Variants in PTPRT observed in about 807,000 individuals in gnomAD.
PTPRT encodes the protein receptor-type tyrosine-protein phosphatase T.
Under a neutral mutation model 176.8 loss-of-function variants are expected in PTPRT, and 56 were observed. The ratio of observed to expected loss-of-function variants is 0.32; its 90% CI spans 0.26 to 0.40. The LOEUF (loss-of-function observed/expected upper bound fraction) is 0.40. Ranked by LOEUF, PTPRT falls within the 10% of genes least tolerant of loss-of-function variation. The probability of loss-of-function intolerance (pLI) is 1.00; values close to 1 mark genes in which losing one functional copy is unlikely to be tolerated. For missense variants in PTPRT, 1,540 were observed against 1,908.2 expected (o/e 0.81, Z 3.60); for synonymous variants, 783 against 739.0 (o/e 1.06, Z -0.96).
chr20:42,536,866 G>A (rs1378930165), intron 7 of PTPRT, among the ~76,000 whole-genome samples: 1 of 152,098 alleles, frequency 6.6e-6, no homozygotes, highest in Admixed American at 6.6e-5. Context: ...GATCAATTTG[G>A]CAAGACCTAT....
intron 30 of PTPRT, 35 bp downstream of exon 30, chr20:42,081,847 C>T (rs751235875): frequency 4.3e-6 from 7 of 1,612,072 alleles, no homozygotes; most frequent in East Asian, 2.2e-5. Context: ...ACTAGTCAGC[C>T]CTGGCTGTTG....
rs1989608678 is a variant in PTPRT at position 42,161,681 on chromosome 20, T to C, written c.2492-139A>G. On this transcript the variant is annotated intron_variant, in intron 16 of 30. Coordinates refer to ENST00000373187, the MANE Select transcript of PTPRT (RefSeq NM_007050.6). ...ACTGATAGGGAAACTGCAAAAGGAT[T>C]GGAGATACACTCCTTCCCTGGCCTG... 3 of 774,870 alleles carry C rather than the reference T, an allele frequency of 3.9e-6. No individual in the cohort carries two copies. The South Asian group carries it at 5.6e-5, about 14-fold the overall frequency. The allele number at this position is 774,870 out of a possible 1,614,324, so 48.0% of individuals were successfully genotyped here.
chr20:42,690,131 C>T (rs910759684), intron 6 of PTPRT, among the ~76,000 whole-genome samples: 15 of 151,878 alleles, frequency 9.9e-5, no homozygotes, highest in African/African-American at 2.2e-4. Context: ...GGGTCATGCA[C>T]GGATGGTATA....
chr20:42,401,160 T>G (rs919987246), intron 9 of PTPRT, among the ~76,000 whole-genome samples: 1 of 145,664 alleles, frequency 6.9e-6, no homozygotes, highest in African/African-American at 2.7e-5. Flanking sequence ...AATAAATAAA[T>G]AAATAAACAA....
intron 1 of PTPRT, among the ~76,000 whole-genome samples, chr20:43,079,712 G>A (rs1301301108): frequency 1.3e-5 from 2 of 152,070 alleles, no homozygotes; most frequent in Non-Finnish European, 2.9e-5. Flanking sequence ...ATTTTCATAT[G>A]TTTATATTAT....
At chr20:42,211,454 A>C (rs1568675440) in intron 15 of PTPRT, among the ~76,000 whole-genome samples, 2 of 151,432 alleles carry the variant, frequency 1.3e-5, no homozygotes, top group African/African-American at 4.8e-5. Context: ...TTACAAGAAA[A>C]AAACAAACAA....
intron 2 of PTPRT, among the ~76,000 whole-genome samples, chr20:42,879,434 C>T (rs1457687296): frequency 1.3e-5 from 2 of 152,304 alleles, no homozygotes; most frequent in East Asian, 1.9e-4. Flanking sequence ...GTATCTTTGC[C>T]TCCACGAGTC....
At chr20:42,044,538 C>T in the PTPRT span, among the ~76,000 whole-genome samples, 523 of 152,282 alleles carry the variant, frequency 3.4e-3, 7 homozygotes, top group African/African-American at 0.012. Flanking sequence ...GTCTGTTGGC[C>T]AGAGTTAAGT....
intron 11 of PTPRT, among the ~76,000 whole-genome samples, chr20:42,342,004 G>A (rs73265788): frequency 0.013 from 1,984 of 152,304 alleles, 34 homozygotes; most frequent in African/African-American, 0.046. Context: ...CCTTATAAAA[G>A]GGGACCTGAA....
intron 12 of PTPRT, among the ~76,000 whole-genome samples, chr20:42,283,320 C>T (rs1437927868): frequency 6.6e-6 from 1 of 152,086 alleles, no homozygotes; most frequent in Non-Finnish European, 1.5e-5. Flanking sequence ...AGTCTGAATT[C>T]AGTGTAGCAA....
intron 9 of PTPRT, among the ~76,000 whole-genome samples, chr20:42,441,891 C>A (rs1000985511): frequency 1.3e-5 from 2 of 152,226 alleles, no homozygotes; most frequent in East Asian, 1.9e-4. Context: ...TCCTAATTAA[C>A]GTAGATCCAG....
intron 11 of PTPRT, among the ~76,000 whole-genome samples, chr20:42,321,130 A>T (rs2057793610): frequency 6.6e-6 from 1 of 152,188 alleles, no homozygotes. Flanking sequence ...CTCATCTGAG[A>T]GATACGGTAA....
At chr20:42,411,885 T>C (rs925645631) in intron 9 of PTPRT, among the ~76,000 whole-genome samples, 6 of 152,058 alleles carry the variant, frequency 3.9e-5, no homozygotes, top group African/African-American at 7.2e-5. Context: ...ATAGTACTTT[T>C]AGGAAGCAGT....
chr20:42,654,731 G>A (rs1242340790), intron 7 of PTPRT, among the ~76,000 whole-genome samples: 1 of 152,174 alleles, frequency 6.6e-6, no homozygotes, highest in Non-Finnish European at 1.5e-5. Context: ...TATTCCAAAT[G>A]TATAGATAAG....
At chr20:42,123,819 C>T (rs1005100257) in intron 19 of PTPRT, among the ~76,000 whole-genome samples, 2 of 152,174 alleles carry the variant, frequency 1.3e-5, no homozygotes, top group Non-Finnish European at 2.9e-5. Flanking sequence ...CATCTCTGAC[C>T]ACCCCATCAG....
intron 7 of PTPRT, among the ~76,000 whole-genome samples, chr20:42,633,781 G>GAAAAAAA (rs757072641): frequency 6.1e-5 from 2 of 32,866 alleles, no homozygotes; most frequent in African/African-American, 3.6e-4. Flanking sequence ...GCAAGACTCT[G>GAAAAAAA]AAAATATATA....
At chr20:42,234,572 C>G (rs1398908219) in intron 15 of PTPRT, among the ~76,000 whole-genome samples, 1 of 152,238 alleles carries the variant, frequency 6.6e-6, no homozygotes, top group Non-Finnish European at 1.5e-5. Flanking sequence ...AAATTCATCA[C>G]TCAACTAAGT....
chr20:42,288,925 C>A (rs918722055), intron 12 of PTPRT, among the ~76,000 whole-genome samples: 2 of 151,722 alleles, frequency 1.3e-5, no homozygotes, highest in African/African-American at 2.4e-5. Flanking sequence ...GTTTTTAGTT[C>A]TTTAAGAAGT....
At chr20:42,891,869 G>A (rs1208525515) in intron 1 of PTPRT, among the ~76,000 whole-genome samples, 1 of 152,140 alleles carries the variant, frequency 6.6e-6, no homozygotes, top group Non-Finnish European at 1.5e-5. Context: ...TCTAAGACAG[G>A]AGTCATCAAA....
Sources: allele counts gnomAD v4.1 joint callset (sites outside exome capture counted in the v4.1 genomes callset), GRCh38; gene constraint gnomAD v4.1.1; transcripts MANE v1.5; gene names NCBI Gene and HGNC (gene_info 2026-07-23, HGNC 2026-07-21).